EPHB1: variants seen among roughly 807,000 people sequenced by gnomAD.
EPHB1 encodes the protein ephrin type-B receptor 1.
Under a neutral mutation model 94.4 loss-of-function variants are expected in EPHB1, and 30 were observed. That is an observed-to-expected ratio of 0.32 (90% CI 0.24 to 0.43). The LOEUF is 0.43. EPHB1 is among the 20% of genes least tolerant of loss of function. EPHB1 has a pLI of 1.00. For missense variants in EPHB1, 1,055 were observed against 1,308.3 expected (o/e 0.81, Z 2.99); for synonymous variants, 522 against 489.1 (o/e 1.07, Z -0.89).
At chr3:135,084,971 G>A (rs540838254) in intron 3 of EPHB1, among the ~76,000 whole-genome samples, 37 of 152,218 alleles carry the variant, frequency 2.4e-4, no homozygotes, top group African/African-American at 7.2e-4. Context: ...ATGAGTTCTT[G>A]CTGTGGCTCA....
chr3:134,895,301 C>T (rs577396191), intron 1 of EPHB1, among the ~76,000 whole-genome samples: 12 of 152,146 alleles, frequency 7.9e-5, no homozygotes, highest in Admixed American at 7.9e-4. Flanking sequence ...TATTTGCTGG[C>T]TCACCAGATA....
At chr3:134,958,128 ATTCCTTC>A (rs1933353367) in intron 3 of EPHB1, among the ~76,000 whole-genome samples, 1 of 151,986 alleles carries the variant, frequency 6.6e-6, no homozygotes, top group African/African-American at 2.4e-5. Flanking sequence ...CTACATGTAA[ATTCCTTC>A]ATGCCTGGAA....
chr3:135,143,800 G>A (rs1380396797), intron 5 of EPHB1, among the ~76,000 whole-genome samples: 1 of 152,164 alleles, frequency 6.6e-6, no homozygotes, highest in Non-Finnish European at 1.5e-5. Flanking sequence ...ATGGTTGCAG[G>A]GTCACAGAAT....
intron 15 of EPHB1, among the ~76,000 whole-genome samples, chr3:135,258,091 C>A (rs1933491455): frequency 6.6e-6 from 1 of 152,148 alleles, no homozygotes; most frequent in Non-Finnish European, 1.5e-5. Context: ...CACCCACTGA[C>A]CTGCACCCAC....
intron 9 of EPHB1, among the ~76,000 whole-genome samples, chr3:135,178,684 A>G (rs1460670557): frequency 6.6e-6 from 1 of 151,956 alleles, no homozygotes; most frequent in African/African-American, 2.4e-5. Context: ...GGGGAACATG[A>G]AGAGGGGGGA....
intron 1 of EPHB1, among the ~76,000 whole-genome samples, chr3:134,855,557 T>C (rs989430348): frequency 2.6e-5 from 4 of 152,182 alleles, no homozygotes. Context: ...CACAGAGATA[T>C]CAGAAGTCAC....
chr3:134,972,408 T>G (rs1230056977), intron 3 of EPHB1, among the ~76,000 whole-genome samples: 1 of 146,204 alleles, frequency 6.8e-6, no homozygotes, highest in Admixed American at 6.9e-5. Context: ...ATATTATATA[T>G]CTTTTATATA....
chr3:134,917,835 A>C (rs1228014950), intron 1 of EPHB1, among the ~76,000 whole-genome samples: 1 of 152,232 alleles, frequency 6.6e-6, no homozygotes, highest in African/African-American at 2.4e-5. Context: ...AGCATTTTAT[A>C]CTGGCAAAGA....
At chr3:135,039,597 C>T (rs376319590) in intron 3 of EPHB1, among the ~76,000 whole-genome samples, 26 of 152,228 alleles carry the variant, frequency 1.7e-4, no homozygotes, top group South Asian at 1.2e-3. Flanking sequence ...TAAGGCCCGG[C>T]GAGAAATCGA....
At chr3:134,843,957 A>T (rs1255463339) in intron 1 of EPHB1, among the ~76,000 whole-genome samples, 1 of 151,902 alleles carries the variant, frequency 6.6e-6, no homozygotes, top group Non-Finnish European at 1.5e-5. Context: ...GTTTCTTTGG[A>T]TGTGTCATAA....
At chr3:134,863,636 T>C (rs943745724) in intron 1 of EPHB1, among the ~76,000 whole-genome samples, 1 of 152,256 alleles carries the variant, frequency 6.6e-6, no homozygotes, top group Non-Finnish European at 1.5e-5. Context: ...TCAGGGCTCT[T>C]GGAGCAAGTT....
chr3:134,917,590 G>A (rs2038600572), intron 1 of EPHB1, among the ~76,000 whole-genome samples: 1 of 152,258 alleles, frequency 6.6e-6, no homozygotes. Context: ...AGAAACAGAA[G>A]GAGGAGGATG....
intron 3 of EPHB1, among the ~76,000 whole-genome samples, chr3:135,098,341 AGTGTGTGT>A (rs34315780): frequency 6.6e-6 from 1 of 150,930 alleles, no homozygotes; most frequent in Non-Finnish European, 1.5e-5. Flanking sequence ...GATATGTTTG[AGTGTGTGT>A]GTGTGTGTGT....
chr3:135,013,464 C>T (rs1576316741), intron 3 of EPHB1, among the ~76,000 whole-genome samples: 1 of 152,184 alleles, frequency 6.6e-6, no homozygotes, highest in African/African-American at 2.4e-5. Context: ...CCGAGGAATC[C>T]GTATGTCGGA....
chr3:134,917,833 A>G (rs950408757), intron 1 of EPHB1, among the ~76,000 whole-genome samples: 1 of 152,258 alleles, frequency 6.6e-6, no homozygotes, highest in African/African-American at 2.4e-5. Flanking sequence ...CTAGCATTTT[A>G]TACTGGCAAA....
intron 3 of EPHB1, among the ~76,000 whole-genome samples, chr3:134,977,295 T>G (rs1401996387): frequency 6.6e-6 from 1 of 152,184 alleles, no homozygotes; most frequent in African/African-American, 2.4e-5. Context: ...CAGCAAGGTG[T>G]GCTCTGGGAG....
intron 5 of EPHB1, among the ~76,000 whole-genome samples, 175 bp downstream of exon 5, chr3:135,133,224 T>C (rs147865478): frequency 2.3e-4 from 35 of 152,346 alleles, no homozygotes; most frequent in African/African-American, 7.7e-4. Context: ...AGGTGTAGTG[T>C]TGCGCTTCTG....
chr3:135,076,583 ACTC>A, intron 3 of EPHB1, among the ~76,000 whole-genome samples: 1 of 152,170 alleles, frequency 6.6e-6, no homozygotes. Context: ...CAGCAATTCC[ACTC>A]CTCAGATTTT....
intron 1 of EPHB1, among the ~76,000 whole-genome samples, chr3:134,909,126 C>T (rs1377908870): frequency 3.6e-5 from 3 of 83,144 alleles, no homozygotes; most frequent in Admixed American, 1.6e-4. Flanking sequence ...GGGGGGCGGG[C>T]TGGAAGAAAA....
Sources: allele counts gnomAD v4.1 joint callset (sites outside exome capture counted in the v4.1 genomes callset), GRCh38; gene constraint gnomAD v4.1.1; transcripts MANE v1.5; gene names NCBI Gene and HGNC (gene_info 2026-07-23, HGNC 2026-07-21).